COL20A1: variants seen among roughly 807,000 people sequenced by gnomAD.
COL20A1 encodes collagen type XX alpha 1 chain, also known as collagen alpha-1(XX) chain.
COL20A1 carries 164 observed loss-of-function variants against 152.9 expected under a neutral mutation model. That is an observed-to-expected ratio of 1.07 (90% confidence interval 0.94 to 1.22). The LOEUF (loss-of-function observed/expected upper bound fraction) is 1.22. Among genes scored for constraint, COL20A1 ranks in the 50% most tolerant of loss-of-function variants. The pLI, the probability that COL20A1 is intolerant of heterozygous loss-of-function variation, is 0.00. For missense variants in COL20A1, 1,873 were observed against 1,744.8 expected (o/e 1.07, Z -1.31); for synonymous variants, 864 against 756.0 (o/e 1.14, Z -2.34).
intron 3 of COL20A1, among the ~76,000 whole-genome samples, chr20:63,298,466 T>G (rs1172660869): frequency 2.0e-5 from 3 of 151,998 alleles, no homozygotes; most frequent in Non-Finnish European, 4.4e-5. Flanking sequence ...AATTTTTGTA[T>G]TTTTTGTGGA....
intron 8 of COL20A1, 75 bp downstream of exon 8, chr20:63,308,781 A>C: frequency 1.5e-6 from 2 of 1,303,142 alleles, no homozygotes; most frequent in Non-Finnish European, 2.1e-6. Flanking sequence ...GGGAGCTTGC[A>C]TTGGGCACCT....
chr20:63,308,031 A>G lies in COL20A1; in HGVS notation c.716A>G (p.Lys239Arg). The G allele has an allele frequency of 6.2e-7, 1 of 1,612,340 alleles. No individual in the cohort carries two copies. Among genetic ancestry groups the G allele is most frequent in the Non-Finnish European group, 8.5e-7 (1 of 1,179,546 alleles). The change falls in exon 7 of 36, where the codon AAG (lysine) becomes AGG (arginine). Residue 239 changes from lysine to arginine, a missense_variant. Coordinates refer to ENST00000358894, the MANE Select transcript of COL20A1 (RefSeq NM_020882.4). ...TEWDLNSLST[K>R]EQVLAAVRRL... ...TGGGACCTGAACTCCCTCAGCACCA[A>G]GGAACAGGTGCTGGCAGCTGTGCGC...
intron 6 of COL20A1, 96 bp downstream of exon 6, chr20:63,307,744 CCAGGG>C: frequency 7.2e-7 from 1 of 1,393,452 alleles, no homozygotes; most frequent in Non-Finnish European, 9.8e-7. Flanking sequence ...CCCGTACCAG[CCAGGG>C]CTCTCACCTT....
chr20:63,294,020 G>A (rs572982213), intron 1 of COL20A1, among the ~76,000 whole-genome samples: 2 of 143,706 alleles, frequency 1.4e-5, no homozygotes, highest in Admixed American at 1.4e-4. Flanking sequence ...CAGCACAGAG[G>A]GGTAGGGGCC....
In COL20A1 at chr20:63,305,740, G is replaced by A. The variant is rs925443921; in HGVS notation, c.338-141G>A. ...CCCGACTCACCAGCAAGGCTGCCTT[G>A]CCCCTGACATCTTTGCATGCCTCCC... On this transcript the variant is annotated intron_variant, in intron 4 of 35. Transcript: ENST00000358894. This position sits in a 1 kb window ranked among gnomAD's most constrained non-coding sequence, Gnocchi z 4.9. The A allele has an allele frequency of 4.6e-5, 50 of 1,093,154 alleles. No homozygotes were observed. The highest frequency in any genetic ancestry group is 6.6e-5 in the Non-Finnish European group (50 of 761,968). 67.7% of individuals were successfully genotyped at this position (1,093,154 alleles called of 1,614,324 possible). A position where few individuals can be genotyped will look rare whatever the true frequency, so the allele number is the denominator to read the frequency against.
chr20:63,327,944 C>T lies in COL20A1; in HGVS notation c.3529-8C>T. Reference sequence around the variant, plus strand: ...TGCTGACTTCTTTTCTCTTCCCCTCCTCATCAGGGACTGCCAGGGCCCAAA... The same window carrying T: ...TGCTGACTTCTTTTCTCTTCCCCTCTTCATCAGGGACTGCCAGGGCCCAAA... On this transcript the variant is annotated splice_region_variant and splice_polypyrimidine_tract_variant and intron_variant, in intron 31 of 35. Coordinates refer to ENST00000358894, the MANE Select transcript of COL20A1 (RefSeq NM_020882.4). 2 of 1,595,560 alleles carry T rather than the reference C, an allele frequency of 1.3e-6. No homozygotes were observed. The highest frequency in any genetic ancestry group is 1.7e-6 in the Non-Finnish European group (2 of 1,170,464).
At chr20:63,317,312 C>T (rs1242449725) in intron 21 of COL20A1, among the ~76,000 whole-genome samples, 1 of 151,794 alleles carries the variant, frequency 6.6e-6, no homozygotes, top group African/African-American at 2.4e-5. Context: ...AATAAACAAA[C>T]AAACTTAGCT....
intron 19 of COL20A1, 89 bp from the exon 20 acceptor site, chr20:63,315,315 C>T (rs1176985835): frequency 7.9e-6 from 10 of 1,260,216 alleles, no homozygotes; most frequent in Middle Eastern, 1.8e-4. Flanking sequence ...GCTGGGGCAT[C>T]GTCCATGAAG....
In COL20A1 at chr20:63,319,483, G is replaced by A; in HGVS notation, c.2807-4G>A. ...TCTCACCTGCTCCACCCCTTCCCTG[G>A]CAGCCGGGAAGAAGTCCCTGACCTA... On this transcript the variant is annotated splice_polypyrimidine_tract_variant and splice_region_variant and intron_variant, in intron 22 of 35. Transcript: ENST00000358894. This position sits in a 1 kb window ranked among gnomAD's most constrained non-coding sequence, Gnocchi z 4.4. 6.4e-7 allele frequency: 1 copy of A among 1,562,652 alleles called. No homozygotes were observed. Among genetic ancestry groups the A allele is most frequent in the Non-Finnish European group, 8.7e-7 (1 of 1,153,306 alleles).
In COL20A1 at chr20:63,332,808, A is replaced by C. The variant is rs1157316269; in HGVS notation, c.*2092A>C. The C allele has an allele frequency of 1.3e-5, 2 of 152,270 alleles. No homozygotes were observed. The highest frequency in any genetic ancestry group is 2.9e-5 in the Non-Finnish European group (2 of 68,088). The allele number at this position is 152,270 out of a possible 1,614,324, so 9.4% of individuals were successfully genotyped here. On this transcript the variant is annotated 3_prime_UTR_variant, in exon 36 of 36. Transcript: ENST00000358894. ...CAAAGGCAGCGGCCAGCTGGTGCCC[A>C]GGCAGCTTAGGGACTGGTCCCTGAG...
intron 35 of COL20A1, among the ~76,000 whole-genome samples, chr20:63,329,954 C>T (rs2068310689): frequency 6.6e-6 from 1 of 152,138 alleles, no homozygotes; most frequent in Non-Finnish European, 1.5e-5. Context: ...TCGTGGGATG[C>T]AGAGTTGCGT....
At chr20:63,296,023 CG>C (rs1210100575) in intron 2 of COL20A1, among the ~76,000 whole-genome samples, 3 of 152,268 alleles carry the variant, frequency 2.0e-5, no homozygotes, top group Non-Finnish European at 2.9e-5. Flanking sequence ...CCTGACAGGC[CG>C]GGGCGAGGGA....
intron 30 of COL20A1, 81 bp from the exon 31 acceptor site, chr20:63,326,671 G>C: frequency 3.0e-6 from 3 of 1,005,220 alleles, no homozygotes; most frequent in Non-Finnish European, 2.8e-6. Flanking sequence ...GGGGGCCCCT[G>C]GGACATCTGG....
rs766278847 is a variant in COL20A1, at chr20:63,314,144, G to C, written c.2431G>C (p.Val811Leu). The change falls in exon 19 of 36, where the codon GTC becomes CTC. Residue 811 changes from valine to leucine, a missense_variant. Transcript: ENST00000358894. ...LQAATKYRVLVSAIYAAGRSE... is the reference protein window; with the variant it reads ...LQAATKYRVLLSAIYAAGRSE... ...GGCAGCCACGAAGTACAGGGTCCTG[G>C]TCTCAGCTATCTATGCAGCAGGCAG... The C allele has an allele frequency of 4.4e-6, 7 of 1,603,918 alleles. No homozygotes were observed. The Admixed American group carries it at 1.0e-4, about 23-fold the overall frequency.
chr20:63,303,601 A>G (rs2067884508), intron 3 of COL20A1, among the ~76,000 whole-genome samples: 1 of 152,236 alleles, frequency 6.6e-6, no homozygotes, highest in Admixed American at 6.5e-5. Context: ...CCAGGCACAC[A>G]GTGAAAACTC....
chr20:63,329,090 CG>C (rs1294264374), intron 34 of COL20A1: 1 of 172,754 alleles, frequency 5.8e-6, no homozygotes, highest in Admixed American at 5.5e-5. Context: ...CTGCACTGGC[CG>C]GGGCAGCAGC....
intron 15 of COL20A1, 90 bp from the exon 16 acceptor site, chr20:63,312,702 G>C (rs2068026103): frequency 2.3e-5 from 34 of 1,468,790 alleles, no homozygotes; most frequent in Non-Finnish European, 2.9e-5. Context: ...ATGGATGGGG[G>C]TATAGGGTGC....
In COL20A1 at chr20:63,307,579, C is replaced by T. The variant is rs1269801369; in HGVS notation, c.586C>T (p.Gln196Ter). ...CTGGAGCATTGGCCACAGTCACTTC[C>T]AGCAGGTCAAGGACTTCCTGGCCAG... ...GSWSIGHSHF[Q>*]QVKDFLASVI... The change falls in exon 6 of 36, where the codon CAG becomes TAG. Residue 196 changes from glutamine to a stop codon, truncating the protein, a stop_gained. Coordinates refer to ENST00000358894, the MANE Select transcript of COL20A1 (RefSeq NM_020882.4). LOFTEE classifies it high-confidence loss of function. 5 of 1,612,568 alleles carry T rather than the reference C, an allele frequency of 3.1e-6. 1 individual carries two copies. The highest frequency in any genetic ancestry group is 3.3e-4 in the Middle Eastern group (2 of 6,082).
chr20:63,326,183 C>T (rs769264222), intron 30 of COL20A1, 34 bp downstream of exon 30: 1 of 1,563,248 alleles, frequency 6.4e-7, no homozygotes, highest in South Asian at 1.1e-5. Flanking sequence ...CCGACCCCCA[C>T]CCAGGGTTCC....
Sources: gnomAD v4.1 joint callset for allele counts (sites outside exome capture counted in the v4.1 genomes callset) on GRCh38, gnomAD v4.1.1 for gene constraint, Gnocchi (gnomAD v3.1) non-coding constraint, MANE v1.5 for transcripts, NCBI Gene and HGNC (gene_info 2026-07-23, HGNC 2026-07-21) for gene names.